The following OTUD7A variants were observed in gnomAD, a reference collection of about 807,000 sequenced individuals.
The protein encoded by OTUD7A is OTU deubiquitinase 7A.
In OTUD7A, 12 loss-of-function variants were observed where a neutral mutation model predicts 65.7. That is an observed-to-expected ratio of 0.18 (90% CI 0.12 to 0.30). The LOEUF is 0.30. Ranked by LOEUF, OTUD7A falls within the 10% of genes least tolerant of loss-of-function variation. The pLI, the probability that OTUD7A is intolerant of heterozygous loss-of-function variation, is 1.00. For synonymous variants in OTUD7A, 641 were observed against 586.3 expected, an observed-to-expected ratio of 1.09 and a Z score of -1.35; for missense variants, 1,148 against 1,304.8, an observed-to-expected ratio of 0.88 and a Z score of 1.85.
At chr15:31,766,361 C>G in intron 1 of OTUD7A, 1 of 1,592,052 alleles carries the variant, frequency 6.3e-7, no homozygotes, top group Non-Finnish European at 8.6e-7. Flanking sequence ...GGGGAAATAA[C>G]AAACAACATA....
chr15:31,766,857 A>G lies in OTUD7A; in HGVS notation c.-100+103650T>C. The G allele has an allele frequency of 1.9e-6, 3 of 1,611,694 alleles. No individual in the cohort carries two copies. The South Asian group carries it at 3.3e-5, about 18-fold the overall frequency. ...GTCCTTCTATGTTCGGAAAAGATTG[A>G]TGGAAGACACTGGATGCCTCTTTAC... On this transcript the variant is annotated intron_variant, in intron 1 of 12. Coordinates refer to ENST00000307050, the MANE Select transcript of OTUD7A (RefSeq NM_001382637.1).
chr15:31,855,788 G>C (rs922747596), intron 1 of OTUD7A, among the ~76,000 whole-genome samples: 3 of 152,206 alleles, frequency 2.0e-5, no homozygotes, highest in African/African-American at 7.2e-5. Context: ...ATACACAGTA[G>C]TTTGCAAACA....
At chr15:31,508,139 GAAGT>G (rs1232126219) in intron 8 of OTUD7A, among the ~76,000 whole-genome samples, 10 of 152,140 alleles carry the variant, frequency 6.6e-5, no homozygotes, top group African/African-American at 2.2e-4. Context: ...GAAAGGAAAG[GAAGT>G]AATAGAGAAA....
At chr15:31,499,379 G>A (rs982547155) in intron 10 of OTUD7A, among the ~76,000 whole-genome samples, 2 of 152,124 alleles carry the variant, frequency 1.3e-5, no homozygotes, top group African/African-American at 2.4e-5. Context: ...CCTGGGGCTC[G>A]ATATTCTGGA....
intron 1 of OTUD7A, among the ~76,000 whole-genome samples, chr15:31,815,609 T>C (rs569600810): frequency 7.9e-5 from 12 of 152,230 alleles, no homozygotes; most frequent in African/African-American, 2.9e-4. Context: ...GAGTTCACTT[T>C]GCAAAGATCC....
At chr15:31,754,921 G>A (rs895199153) in intron 1 of OTUD7A, among the ~76,000 whole-genome samples, 2 of 152,138 alleles carry the variant, frequency 1.3e-5, no homozygotes, top group African/African-American at 2.4e-5. Flanking sequence ...GGGTATGAAG[G>A]AGGTTCTCCT....
In OTUD7A at chr15:31,698,585, C is replaced by A. The variant is rs868412842; in HGVS notation, c.-99-41508G>T. 2.0e-5 allele frequency among the ~76,000 whole-genome samples: 3 copies of A among 151,938 alleles called. No homozygotes were observed. In the South Asian group the frequency reaches 6.3e-4, roughly 32 times the overall value. On this transcript the variant is annotated intron_variant, in intron 1 of 12. Transcript: ENST00000307050. ...CAGCCCTCTGGGGTGGAGAACCACT[C>A]ATCTAAAGGCTACCGAGGCCTGGGC...
chr15:31,642,498 A>G lies in OTUD7A; in HGVS notation c.151+12598T>C, dbSNP rs146013356. On this transcript the variant is annotated intron_variant, in intron 3 of 12. Transcript: ENST00000307050. ...TTTATATGTGTGGTAGAATTTACCA[A>G]TGAAGCTATAGATGCTTGCAGTTAT... is the stretch of plus-strand genomic sequence containing the variant. 8.1e-3 allele frequency among the ~76,000 whole-genome samples: 1,237 copies of G among 152,322 alleles called. 23 individuals carry two copies. The highest frequency in any genetic ancestry group is 9.4e-3 in the Non-Finnish European group (639 of 68,024).
At chr15:31,618,150 T>C (rs1890654737) in intron 3 of OTUD7A, among the ~76,000 whole-genome samples, 1 of 152,174 alleles carries the variant, frequency 6.6e-6, no homozygotes, top group Non-Finnish European at 1.5e-5. Context: ...GGTGTATATG[T>C]GCCACATTTT....
At chr15:31,703,163 A>C (rs1422788442) in intron 1 of OTUD7A, among the ~76,000 whole-genome samples, 5 of 152,118 alleles carry the variant, frequency 3.3e-5, no homozygotes, top group Non-Finnish European at 7.4e-5. Context: ...TTTTGAAAAT[A>C]AACATACGAG....
chr15:31,596,913 G>A lies in OTUD7A; in HGVS notation c.152-26716C>T, dbSNP rs1396309787. ...TTATGAATATTATTTCCCAGTTTGT[G>A]GCTTACCTATTTATTTTATTTTATT... On this transcript the variant is annotated intron_variant, in intron 3 of 12. Coordinates refer to ENST00000307050, the MANE Select transcript of OTUD7A (RefSeq NM_001382637.1). Among the ~76,000 whole-genome samples, 4 of 151,756 alleles carry A rather than the reference G, an allele frequency of 2.6e-5. No individual in the cohort carries two copies. The East Asian group carries it at 7.7e-4, about 29-fold the overall frequency.
intron 4 of OTUD7A, among the ~76,000 whole-genome samples, chr15:31,565,461 G>A (rs763940620): frequency 1.3e-5 from 2 of 152,146 alleles, no homozygotes; most frequent in African/African-American, 4.8e-5. Context: ...ATCTGAATAT[G>A]TGGAGAGGCA....
chr15:31,656,627 T>C (rs1417030511), intron 2 of OTUD7A, among the ~76,000 whole-genome samples: 2 of 147,234 alleles, frequency 1.4e-5, no homozygotes, highest in African/African-American at 2.5e-5. Context: ...TCCCATGCTA[T>C]TGATGACTGT....
intron 1 of OTUD7A, among the ~76,000 whole-genome samples, chr15:31,786,093 C>T (rs1196644374): frequency 3.3e-5 from 5 of 152,200 alleles, no homozygotes; most frequent in East Asian, 1.9e-4. Flanking sequence ...TCAGCCCTCT[C>T]GCCATATGAT....
intron 1 of OTUD7A, among the ~76,000 whole-genome samples, chr15:31,713,691 C>A (rs1342622409): frequency 6.7e-6 from 1 of 149,828 alleles, no homozygotes; most frequent in African/African-American, 2.5e-5. Context: ...TAGCAAACAA[C>A]CTAGAGAAGG....
intron 4 of OTUD7A, among the ~76,000 whole-genome samples, chr15:31,566,934 T>C (rs1017455979): frequency 6.6e-6 from 1 of 152,212 alleles, no homozygotes; most frequent in Non-Finnish European, 1.5e-5. Context: ...TGCAGAACCA[T>C]GAGCCAAGTA....
chr15:31,484,147 G>C lies in OTUD7A; in HGVS notation c.1949C>G (p.Thr650Ser). The change falls in exon 13 of 13, where the codon ACC (threonine) becomes AGC (serine). Residue 650 changes from threonine (T) to serine (S), a missense_variant. By Grantham distance (58) the Thr-to-Ser change is moderately conservative. Around this residue, in one of 6 missense-constraint regions of OTUD7A, gnomAD observed 842 missense variants for 769.5 expected, o/e 1.09. Transcript: ENST00000307050. This position sits in a 1 kb window ranked among gnomAD's most constrained non-coding sequence, Gnocchi z 4.5. ...RKFIFAGLLL[T>S]SHRHQFHEEM... ...CTCGTGGAACTGGTGCCGGTGGCTG[G>C]TGAGCAGCAGGCCGGCGAAGATGAA... 1.2e-6 allele frequency: 2 copies of C among 1,610,136 alleles called. No homozygotes were observed. The highest frequency in any genetic ancestry group is 1.7e-6 in the Non-Finnish European group (2 of 1,179,546).
chr15:31,475,912 T>C lies in OTUD7A; in HGVS notation c.*7382A>G, dbSNP rs554898810. 1 of 152,350 alleles carries C rather than the reference T, an allele frequency of 6.6e-6. No individual in the cohort carries two copies. The highest frequency in any genetic ancestry group is 2.1e-4 in the South Asian group (1 of 4,832). The allele number at this position is 152,350 out of a possible 1,614,324, so 9.4% of individuals were successfully genotyped here. ...AACCAAAAAAGAAAAAAGAGGAACA[T>C]TCACTGACTTCATTAGGCCAAACGC... On this transcript the variant is annotated 3_prime_UTR_variant, in exon 13 of 13. Coordinates refer to ENST00000307050, the MANE Select transcript of OTUD7A (RefSeq NM_001382637.1).
At chr15:31,750,146 G>A (rs1290666101) in intron 1 of OTUD7A, among the ~76,000 whole-genome samples, 2 of 152,236 alleles carry the variant, frequency 1.3e-5, no homozygotes, top group African/African-American at 2.4e-5. Context: ...GGTGGCTCAC[G>A]CCTGTAATCC....
Sources: gnomAD v4.1 joint callset for allele counts (sites outside exome capture counted in the v4.1 genomes callset) on GRCh38, gnomAD v4.1.1 for gene constraint, gnomAD v4.1.1 regional missense constraint, Gnocchi (gnomAD v3.1) non-coding constraint, MANE v1.5 for transcripts, NCBI Gene and HGNC (gene_info 2026-07-23, HGNC 2026-07-21) for gene names.